MAGI2: variants seen among roughly 807,000 people sequenced by gnomAD.
MAGI2 encodes membrane associated guanylate kinase, WW and PDZ domain containing 2.
Under a neutral mutation model 133.3 loss-of-function variants are expected in MAGI2, and 35 were observed. The ratio of observed to expected loss-of-function variants is 0.26; its 90% CI spans 0.20 to 0.35. MAGI2 has a LOEUF of 0.35. MAGI2 is among the 10% of genes least tolerant of loss of function. The pLI is 1.00. For synonymous variants in MAGI2, 729 were observed against 710.6 expected, an observed-to-expected ratio of 1.03 and a Z score of -0.41; for missense variants, 1,636 against 1,863.4, an observed-to-expected ratio of 0.88 and a Z score of 2.25.
intron 1 of MAGI2, chr7:79,415,092 C>T (rs563995030): frequency 4.7e-4 from 71 of 152,222 alleles, no homozygotes; most frequent in African/African-American, 1.7e-3. Flanking sequence ...ATAGTAAACA[C>T]ATCTGCTAAG....
At chr7:79,234,122 C>A (rs1337233865) in intron 1 of MAGI2, among the ~76,000 whole-genome samples, 1 of 139,116 alleles carries the variant, frequency 7.2e-6, no homozygotes, top group African/African-American at 2.7e-5. Flanking sequence ...GAATATTGGC[C>A]CCCACTCTCT....
chr7:78,148,325 G>A (rs936172605), intron 16 of MAGI2, among the ~76,000 whole-genome samples: 1 of 152,130 alleles, frequency 6.6e-6, no homozygotes, highest in Non-Finnish European at 1.5e-5. Flanking sequence ...ATTTATATAG[G>A]AGAGGCAAAA....
chr7:78,947,007 A>G (rs1241717647), intron 2 of MAGI2: 3 of 152,116 alleles, frequency 2.0e-5, no homozygotes, highest in East Asian at 1.9e-4. Flanking sequence ...AGTAGCTAAA[A>G]TAATCTTGTG....
At chr7:79,260,389 T>G (rs1833991424) in intron 1 of MAGI2, among the ~76,000 whole-genome samples, 1 of 151,162 alleles carries the variant, frequency 6.6e-6, no homozygotes. Flanking sequence ...CATACATACA[T>G]ACATACATAC....
chr7:79,330,241 T>C (rs1461189383), intron 1 of MAGI2, among the ~76,000 whole-genome samples: 2 of 136,566 alleles, frequency 1.5e-5, no homozygotes, highest in Non-Finnish European at 3.0e-5. Context: ...TTCCCCAGGC[T>C]GGAGTGCAGT....
intron 1 of MAGI2, among the ~76,000 whole-genome samples, chr7:79,053,019 G>C (rs1363071374): frequency 2.6e-5 from 4 of 152,058 alleles, no homozygotes; most frequent in Non-Finnish European, 4.4e-5. Flanking sequence ...TGTCGTCCAG[G>C]CTGGAGTGCA....
chr7:79,391,508 CATAT>C (rs1286692402), intron 1 of MAGI2, among the ~76,000 whole-genome samples: 4,251 of 68,750 alleles, frequency 0.062, 158 homozygotes, highest in East Asian at 0.14. Flanking sequence ...TATATATAGA[CATAT>C]ATATATATAT....
chr7:79,184,801 G>A (rs998350723), intron 1 of MAGI2, among the ~76,000 whole-genome samples: 1 of 151,588 alleles, frequency 6.6e-6, no homozygotes, highest in African/African-American at 2.4e-5. Flanking sequence ...TTAAGTTTTG[G>A]ATAACTTTTT....
chr7:78,434,822 C>T (rs1800126097), intron 6 of MAGI2, among the ~76,000 whole-genome samples: 2 of 152,040 alleles, frequency 1.3e-5, no homozygotes, highest in African/African-American at 2.4e-5. Flanking sequence ...GTAAGGAAAA[C>T]AAGAAAATAA....
intron 1 of MAGI2, among the ~76,000 whole-genome samples, chr7:79,293,368 C>A (rs1836654798): frequency 1.3e-5 from 2 of 151,956 alleles, no homozygotes; most frequent in Admixed American, 6.6e-5. Context: ...TAAAAATTTC[C>A]CATTTATTAT....
At chr7:78,452,529 A>G (rs1005625797) in intron 6 of MAGI2, among the ~76,000 whole-genome samples, 1 of 152,094 alleles carries the variant, frequency 6.6e-6, no homozygotes, top group African/African-American at 2.4e-5. Context: ...TTGAAAATAT[A>G]AAACCCACAG....
chr7:78,971,592 T>G (rs1803787203), intron 2 of MAGI2, among the ~76,000 whole-genome samples: 1 of 152,050 alleles, frequency 6.6e-6, no homozygotes, highest in South Asian at 2.1e-4. Flanking sequence ...TCTTGTATTT[T>G]ATCTGTCAAC....
chr7:78,723,388 T>G (rs1369565852), intron 2 of MAGI2, among the ~76,000 whole-genome samples: 5 of 152,190 alleles, frequency 3.3e-5, no homozygotes, highest in Admixed American at 1.3e-4. Flanking sequence ...GGCAGAGGCC[T>G]AGGAATTTGC....
At chr7:78,613,938 A>T (rs1427553511) in intron 3 of MAGI2, among the ~76,000 whole-genome samples, 1 of 151,756 alleles carries the variant, frequency 6.6e-6, no homozygotes, top group Non-Finnish European at 1.5e-5. Flanking sequence ...GTGAAACCTC[A>T]TCTCTACTAA....
At chr7:78,489,872 A>T in intron 5 of MAGI2, 32 bp from the exon 6 acceptor site, 1 of 1,512,326 alleles carries the variant, frequency 6.6e-7, no homozygotes, top group South Asian at 1.2e-5. Context: ...CTGAACAGAC[A>T]CATACTAAAA....
intron 1 of MAGI2, among the ~76,000 whole-genome samples, chr7:79,048,140 A>G (rs2116963891): frequency 6.6e-6 from 1 of 152,266 alleles, no homozygotes; most frequent in East Asian, 1.9e-4. Flanking sequence ...TTCCATTGTG[A>G]TTTCATAAAT....
At chr7:78,648,433 A>T (rs116142496) in intron 2 of MAGI2, among the ~76,000 whole-genome samples, 6,835 of 152,326 alleles carry the variant, frequency 0.045, 182 homozygotes, top group Middle Eastern at 0.058. Flanking sequence ...GCTTCCAAAG[A>T]TACAACAGCT....
chr7:78,733,038 T>C (rs1821517933), intron 2 of MAGI2, among the ~76,000 whole-genome samples: 1 of 151,970 alleles, frequency 6.6e-6, no homozygotes, highest in South Asian at 2.1e-4. Flanking sequence ...TGCAAGGAAA[T>C]GGCGCAACAG....
chr7:78,064,509 A>G (rs1177390101), intron 21 of MAGI2, among the ~76,000 whole-genome samples: 1 of 152,170 alleles, frequency 6.6e-6, no homozygotes, highest in Non-Finnish European at 1.5e-5. Context: ...TAACAATTGG[A>G]AAATATGTTT....
Sources: allele counts gnomAD v4.1 joint callset (sites outside exome capture counted in the v4.1 genomes callset), GRCh38; gene constraint gnomAD v4.1.1; transcripts MANE v1.5; gene names NCBI Gene and HGNC (gene_info 2026-07-23, HGNC 2026-07-21).